Variants in PTPRG observed in about 807,000 individuals in gnomAD.
The protein encoded by PTPRG is receptor-type tyrosine-protein phosphatase gamma.
In PTPRG, 102 loss-of-function variants were observed where a neutral mutation model predicts 165.3. The observed-to-expected ratio is 0.62, with a 90% CI of 0.53 to 0.73. The LOEUF (loss-of-function observed/expected upper bound fraction) is 0.73, where lower values mean the gene tolerates loss of function less well. Ranked by LOEUF, PTPRG falls within the 30% of genes least tolerant of loss-of-function variation. PTPRG has a pLI of 0.00. For missense variants in PTPRG, 1,866 were observed against 1,861.4 expected, an observed-to-expected ratio of 1.00 and a Z score of -0.05; for synonymous variants, 675 against 669.5, an observed-to-expected ratio of 1.01 and a Z score of -0.13.
At chr3:62,238,538 T>C (rs530311036) in intron 14 of PTPRG, among the ~76,000 whole-genome samples, 7 of 152,316 alleles carry the variant, frequency 4.6e-5, no homozygotes, top group African/African-American at 1.7e-4. Flanking sequence ...AAGGGTGGAC[T>C]CTCAGGAGCC....
chr3:62,271,626 A>G lies in PTPRG; in HGVS notation c.3182+71A>G. On this transcript the variant is annotated intron_variant, in intron 21 of 29. Transcript: ENST00000474889. This position sits in a 1 kb window ranked among gnomAD's most constrained non-coding sequence, Gnocchi z 4.1. ...TAGGCCTCAGTGACCTTGGACCACA[A>G]TGATTGCTACTGCTTTCACTTAGAA... 1 of 1,394,288 alleles carries G rather than the reference A, an allele frequency of 7.2e-7. No homozygotes were observed. Among genetic ancestry groups the G allele is most frequent in the South Asian group, 1.4e-5 (1 of 72,038 alleles). The allele number at this position is 1,394,288 out of a possible 1,614,324, so 86.4% of individuals were successfully genotyped here.
intron 5 of PTPRG, among the ~76,000 whole-genome samples, chr3:62,110,427 G>T (rs1702628336): frequency 6.6e-6 from 1 of 151,780 alleles, no homozygotes; most frequent in South Asian, 2.1e-4. Context: ...CGACTTTATT[G>T]AGTACAAAAT....
intron 8 of PTPRG, among the ~76,000 whole-genome samples, chr3:62,188,372 C>G (rs913816717): frequency 1.3e-5 from 2 of 152,128 alleles, no homozygotes; most frequent in African/African-American, 4.8e-5. Flanking sequence ...GAGACACCAC[C>G]ACAAAACAAA....
intron 2 of PTPRG, among the ~76,000 whole-genome samples, chr3:61,960,896 G>A (rs2040137973): frequency 6.6e-6 from 1 of 152,118 alleles, no homozygotes; most frequent in African/African-American, 2.4e-5. Context: ...GCATTATAGA[G>A]ACTGGGCTCA....
At chr3:61,720,797 G>A (rs1343396569) in intron 1 of PTPRG, among the ~76,000 whole-genome samples, 2 of 152,164 alleles carry the variant, frequency 1.3e-5, no homozygotes, top group Non-Finnish European at 2.9e-5. Context: ...TCCATTGATG[G>A]ATTAATCCCC....
At chr3:61,586,931 A>G (rs1240450544) in intron 1 of PTPRG, among the ~76,000 whole-genome samples, 1 of 152,158 alleles carries the variant, frequency 6.6e-6, no homozygotes, top group East Asian at 1.9e-4. Context: ...CTCTGCCCAC[A>G]TGTAGGACAC....
chr3:62,078,286 A>C (rs759092430), intron 5 of PTPRG, 28 bp downstream of exon 5: 4 of 1,458,008 alleles, frequency 2.7e-6, no homozygotes, highest in Non-Finnish European at 3.8e-6. Flanking sequence ...GAAGTACTTC[A>C]AAGAATTCTT....
intron 13 of PTPRG, among the ~76,000 whole-genome samples, chr3:62,227,482 T>C (rs1422888338): frequency 6.6e-6 from 1 of 152,200 alleles, no homozygotes; most frequent in African/African-American, 2.4e-5. Context: ...CAGCCATGTG[T>C]GGTAGGCAAG....
intron 1 of PTPRG, among the ~76,000 whole-genome samples, chr3:61,700,790 C>G (rs2030910421): frequency 6.6e-6 from 1 of 152,158 alleles, no homozygotes; most frequent in African/African-American, 2.4e-5. Context: ...ATGTTCAGCT[C>G]TGTCATTTTC....
chr3:61,813,919 G>T (rs2035675769), intron 2 of PTPRG, among the ~76,000 whole-genome samples: 1 of 146,804 alleles, frequency 6.8e-6, no homozygotes, highest in Non-Finnish European at 1.5e-5. Context: ...GGGGGTTGGA[G>T]TCTCGCTCTG....
At chr3:62,069,676 T>A (rs752101575) in intron 4 of PTPRG, among the ~76,000 whole-genome samples, 9,419 of 38,454 alleles carry the variant, frequency 0.24, 533 homozygotes, top group African/African-American at 0.3. Context: ...TCTCTCTCTC[T>A]CTCTCTCTCA....
chr3:62,037,598 A>G (rs191349087), intron 4 of PTPRG, among the ~76,000 whole-genome samples: 3 of 152,136 alleles, frequency 2.0e-5, no homozygotes, highest in Non-Finnish European at 4.4e-5. Context: ...CCAAAATCCA[A>G]CTCTTCATCA....
rs543272717 is a variant in PTPRG at position 61,919,622 on chromosome 3, G to A, written c.191-70003G>A. On this transcript the variant is annotated intron_variant, in intron 2 of 29. Transcript: ENST00000474889. ...TGGACAAATGGGAATGGTCCTGAGC[G>A]GTCCCATTCATCTCCCTAGGGAATC... is the stretch of plus-strand genomic sequence containing the variant. Among the ~76,000 whole-genome samples the A allele has an allele frequency of 1.6e-4, 25 of 152,206 alleles. No individual in the cohort carries two copies. In the South Asian group the frequency reaches 5.0e-3, roughly 30 times the overall value.
intron 12 of PTPRG, among the ~76,000 whole-genome samples, chr3:62,205,431 T>C (rs1700204474): frequency 6.6e-6 from 1 of 152,236 alleles, no homozygotes; most frequent in Non-Finnish European, 1.5e-5. Flanking sequence ...CAGACTTCTC[T>C]TCTCTTGGGG....
At chr3:62,272,209 G>A (rs1339046288) in intron 21 of PTPRG, among the ~76,000 whole-genome samples, 1 of 152,102 alleles carries the variant, frequency 6.6e-6, no homozygotes, top group Non-Finnish European at 1.5e-5. Flanking sequence ...CACTAGAATA[G>A]AGATTGTGTT....
chr3:62,036,125 T>C (rs2107792411), intron 4 of PTPRG, among the ~76,000 whole-genome samples: 1 of 151,712 alleles, frequency 6.6e-6, no homozygotes, highest in Admixed American at 6.6e-5. Flanking sequence ...TCATAAATAA[T>C]TGCATATGTT....
intron 2 of PTPRG, among the ~76,000 whole-genome samples, chr3:61,864,691 G>A (rs1245808973): frequency 1.4e-5 from 2 of 147,954 alleles, no homozygotes; most frequent in Non-Finnish European, 3.0e-5. Flanking sequence ...CCAGCCACCT[G>A]GAGCATTCCA....
At chr3:62,050,658 A>T (rs934803791) in intron 4 of PTPRG, among the ~76,000 whole-genome samples, 3 of 152,224 alleles carry the variant, frequency 2.0e-5, no homozygotes, top group African/African-American at 7.2e-5. Flanking sequence ...TATCTAATCT[A>T]TCCCAATCTA....
intron 5 of PTPRG, among the ~76,000 whole-genome samples, chr3:62,106,331 A>G (rs1159217315): frequency 6.6e-6 from 1 of 152,158 alleles, no homozygotes; most frequent in African/African-American, 2.4e-5. Flanking sequence ...AGCAGACACC[A>G]TACACTAAGC....
Sources: gnomAD v4.1 joint callset for allele counts (sites outside exome capture counted in the v4.1 genomes callset) on GRCh38, gnomAD v4.1.1 for gene constraint, Gnocchi (gnomAD v3.1) non-coding constraint, MANE v1.5 for transcripts, NCBI Gene and HGNC (gene_info 2026-07-23, HGNC 2026-07-21) for gene names.